The following MALRD1 variants were observed in gnomAD, a reference collection of about 807,000 sequenced individuals.
MALRD1 encodes MAM and LDL receptor class A domain containing 1.
Under a neutral mutation model 242.1 loss-of-function variants are expected in MALRD1, and 247 were observed. That is an observed-to-expected ratio of 1.02 (90% CI 0.92 to 1.13). The LOEUF (loss-of-function observed/expected upper bound fraction) is 1.13. Among genes scored for constraint, MALRD1 ranks in the 50% most tolerant of loss-of-function variants. The probability of loss-of-function intolerance (pLI) is 0.00; values close to 1 mark genes in which losing one functional copy is unlikely to be tolerated. For missense variants in MALRD1, 2,989 were observed against 2,533.1 expected, an observed-to-expected ratio of 1.18 and a Z score of -3.86; for synonymous variants, 995 against 866.6, an observed-to-expected ratio of 1.15 and a Z score of -2.60.
chr10:19,606,777 G>T (rs1405830068), intron 34 of MALRD1, among the ~76,000 whole-genome samples: 1 of 152,058 alleles, frequency 6.6e-6, no homozygotes, highest in Non-Finnish European at 1.5e-5. Context: ...GAAGCAAGCA[G>T]GATAACAGAG....
At chr10:19,206,790 C>T (rs1836806822) in intron 17 of MALRD1, among the ~76,000 whole-genome samples, 1 of 152,150 alleles carries the variant, frequency 6.6e-6, no homozygotes, top group Non-Finnish European at 1.5e-5. Context: ...TTTGAGTGTG[C>T]AGTCAGCACC....
rs13377074 is a variant in MALRD1, at chr10:19,161,955, G to C, written c.1657-3682G>C. 8.0e-3 allele frequency among the ~76,000 whole-genome samples: 1,220 copies of C among 152,228 alleles called. 19 individuals are homozygous for C. Among genetic ancestry groups the C allele is most frequent in the African/African-American group, 0.028 (1,158 of 41,528 alleles). On this transcript the variant is annotated intron_variant, in intron 12 of 39. Transcript: ENST00000454679. Reference sequence around the variant, plus strand: ...AGGCAGGAGAATCACTTGAACCCAGGAAGTGGAGGCTGCAGTGAGCCGTGA... The same window carrying C: ...AGGCAGGAGAATCACTTGAACCCAGCAAGTGGAGGCTGCAGTGAGCCGTGA...
intron 19 of MALRD1, among the ~76,000 whole-genome samples, chr10:19,262,867 C>A (rs995454241): frequency 5.9e-5 from 9 of 152,170 alleles, no homozygotes; most frequent in Non-Finnish European, 8.8e-5. Context: ...ATTCCTCTTA[C>A]ATGTGCAATC....
chr10:19,440,871 G>A (rs1299641183), intron 28 of MALRD1, among the ~76,000 whole-genome samples: 2 of 152,102 alleles, frequency 1.3e-5, no homozygotes, highest in African/African-American at 2.4e-5. Flanking sequence ...TAATAGGATG[G>A]CTGGGTCAAA....
chr10:19,304,776 T>C (rs1842096623), intron 21 of MALRD1, among the ~76,000 whole-genome samples: 1 of 151,800 alleles, frequency 6.6e-6, no homozygotes, highest in African/African-American at 2.4e-5. Context: ...AAATAAACTT[T>C]TCTTTATTTC....
chr10:19,154,599 G>T (rs538360062), intron 11 of MALRD1, among the ~76,000 whole-genome samples: 1 of 152,278 alleles, frequency 6.6e-6, no homozygotes, highest in Non-Finnish European at 1.5e-5. Flanking sequence ...GTTCAGATTA[G>T]ATCTTTAATT....
chr10:19,718,030 AAAGAGGAAGAAGAAGAGGAAGAAG>A (rs199915394), intron 38 of MALRD1, among the ~76,000 whole-genome samples: 5 of 148,516 alleles, frequency 3.4e-5, no homozygotes, highest in Admixed American at 1.3e-4. Flanking sequence ...ATAAATAAAT[AAAGAGGAAGAAGAAGAGGAAGAAG>A]AAGAGGAAGA....
intron 26 of MALRD1, among the ~76,000 whole-genome samples, chr10:19,371,404 A>G (rs1845369429): frequency 6.6e-6 from 1 of 152,310 alleles, no homozygotes; most frequent in South Asian, 2.1e-4. Context: ...ATATCCTAAG[A>G]GATTTTATCA....
At chr10:19,620,908 T>C (rs1839371830) in intron 36 of MALRD1, among the ~76,000 whole-genome samples, 1 of 151,852 alleles carries the variant, frequency 6.6e-6, no homozygotes, top group African/African-American at 2.4e-5. Flanking sequence ...ATTTTCTATG[T>C]GTGCAACAAG....
chr10:19,074,138 A>G (rs1835245278), intron 2 of MALRD1, among the ~76,000 whole-genome samples: 1 of 152,082 alleles, frequency 6.6e-6, no homozygotes, highest in Non-Finnish European at 1.5e-5. Context: ...TCCAAAGGTT[A>G]CTAATTTTTC....
intron 22 of MALRD1, among the ~76,000 whole-genome samples, chr10:19,325,927 A>G (rs1843113140): frequency 6.6e-6 from 1 of 152,042 alleles, no homozygotes; most frequent in African/African-American, 2.4e-5. Flanking sequence ...CCTGACTCCT[A>G]TTTTGTTTTA....
chr10:19,367,400 C>G (rs958848665), intron 26 of MALRD1, among the ~76,000 whole-genome samples: 1 of 152,086 alleles, frequency 6.6e-6, no homozygotes, highest in Non-Finnish European at 1.5e-5. Flanking sequence ...TTTCACTTAA[C>G]ATAATGTCTT....
chr10:19,479,613 C>T (rs771484745), intron 29 of MALRD1, among the ~76,000 whole-genome samples: 2 of 152,132 alleles, frequency 1.3e-5, no homozygotes, highest in African/African-American at 4.8e-5. Context: ...CGTATAAATT[C>T]GCCATAAGTG....
At chr10:19,398,450 G>T (rs1023654557) in intron 28 of MALRD1, among the ~76,000 whole-genome samples, 1 of 152,038 alleles carries the variant, frequency 6.6e-6, no homozygotes, top group Non-Finnish European at 1.5e-5. Context: ...TTTTAAAGGC[G>T]TGATGAACAT....
chr10:19,590,585 A>G (rs1837722782), intron 33 of MALRD1, among the ~76,000 whole-genome samples: 1 of 152,094 alleles, frequency 6.6e-6, no homozygotes, highest in African/African-American at 2.4e-5. Context: ...TCTAGTTTAA[A>G]TTAAATCTGC....
chr10:19,596,917 A>T (rs1236689945), intron 34 of MALRD1, among the ~76,000 whole-genome samples: 2 of 151,968 alleles, frequency 1.3e-5, no homozygotes, highest in Admixed American at 1.3e-4. Flanking sequence ...TGGAAGGAAG[A>T]AAGCAAGGGC....
At chr10:19,628,953 A>G (rs1298820275) in intron 36 of MALRD1, among the ~76,000 whole-genome samples, 2 of 152,170 alleles carry the variant, frequency 1.3e-5, no homozygotes, top group African/African-American at 4.8e-5. Context: ...CAAGTAAGCA[A>G]GACAGACCAG....
At chr10:19,588,956 C>T (rs1288971973) in intron 33 of MALRD1, among the ~76,000 whole-genome samples, 1 of 152,166 alleles carries the variant, frequency 6.6e-6, no homozygotes, top group Non-Finnish European at 1.5e-5. Context: ...AGCAACATTT[C>T]TTAACCTGTT....
chr10:19,553,364 C>T (rs1229974041), intron 32 of MALRD1, among the ~76,000 whole-genome samples: 1 of 151,982 alleles, frequency 6.6e-6, no homozygotes, highest in Non-Finnish European at 1.5e-5. Flanking sequence ...GTTATCAATA[C>T]ATTTTAAGTC....
Sources: gnomAD v4.1 joint callset for allele counts (sites outside exome capture counted in the v4.1 genomes callset) on GRCh38, gnomAD v4.1.1 for gene constraint, MANE v1.5 for transcripts, NCBI Gene and HGNC (gene_info 2026-07-23, HGNC 2026-07-21) for gene names.